The following TNS1 variants were observed in gnomAD, a reference collection of about 807,000 sequenced individuals.
TNS1 encodes the protein tensin 1, also known as tensin-1.
In TNS1, 62 loss-of-function variants were observed where a neutral mutation model predicts 168.6. The observed-to-expected ratio is 0.37, with a 90% CI of 0.30 to 0.45. The LOEUF is 0.45. TNS1 is among the 20% of genes least tolerant of loss of function. The probability of loss-of-function intolerance (pLI) is 1.00; values close to 1 mark genes in which losing one functional copy is unlikely to be tolerated. For synonymous variants in TNS1, 934 were observed against 933.2 expected (o/e 1.00, Z -0.02); for missense variants, 2,240 against 2,339.4 (o/e 0.96, Z 0.88).
intron 3 of TNS1, among the ~76,000 whole-genome samples, chr2:217,930,787 A>T (rs1340732809): frequency 6.6e-6 from 1 of 152,216 alleles, no homozygotes; most frequent in Non-Finnish European, 1.5e-5. Flanking sequence ...TGAACAGGCA[A>T]TATGGAATGC....
intron 30 of TNS1, among the ~76,000 whole-genome samples, chr2:217,809,364 G>C (rs373733847): frequency 6.1e-4 from 34 of 55,736 alleles, no homozygotes; most frequent in South Asian, 1.1e-3. Context: ...TGGATGGATG[G>C]ATGGATGGAT....
chr2:217,887,637 G>A (rs1951336183), intron 12 of TNS1, among the ~76,000 whole-genome samples: 1 of 152,166 alleles, frequency 6.6e-6, no homozygotes, highest in East Asian at 1.9e-4. Context: ...ACAAAGATCT[G>A]TTGGAAGAAT....
chr2:217,850,871 T>G (rs574524676), intron 18 of TNS1, among the ~76,000 whole-genome samples: 12 of 152,136 alleles, frequency 7.9e-5, no homozygotes, highest in African/African-American at 2.9e-4. Flanking sequence ...CCAACAACAG[T>G]GACCACCGTG....
At chr2:217,887,696 G>A (rs1951340804) in intron 12 of TNS1, among the ~76,000 whole-genome samples, 1 of 152,182 alleles carries the variant, frequency 6.6e-6, no homozygotes, top group East Asian at 1.9e-4. Flanking sequence ...GGATAAATAA[G>A]GTCCAGGAGG....
rs145059563 is a variant in TNS1 at position 217,821,772 on chromosome 2, G to T, written c.3540C>A (p.Leu1180=). The T allele has an allele frequency of 9.3e-6, 14 of 1,508,456 alleles. No homozygotes were observed. In the South Asian group the frequency reaches 1.8e-4, roughly 19 times the overall value. 93.4% of individuals were successfully genotyped at this position (1,508,456 alleles called of 1,614,324 possible). A position where few individuals can be genotyped will look rare whatever the true frequency, so the allele number is the denominator to read the frequency against. Residue 1180 remains leucine (L), a synonymous_variant, in exon 23 of 33, where the codon CTC becomes CTA. Transcript: ENST00000682258. ...CACTGAGGATGGGGCTGCTGGTGGAGAGGGGGCTGGGGGAGACAAAGGAGC... is the reference window on the plus strand; with the variant it reads ...CACTGAGGATGGGGCTGCTGGTGGATAGGGGGCTGGGGGAGACAAAGGAGC... ...LGGSFVSPSP[L]STSSPILSAD... is the part of the protein sequence containing the mutation.
intron 8 of TNS1, among the ~76,000 whole-genome samples, chr2:217,897,100 G>C (rs192063389): frequency 6.6e-6 from 1 of 152,266 alleles, no homozygotes; most frequent in Non-Finnish European, 1.5e-5. Flanking sequence ...AAACACCCTG[G>C]GGACAGCCAC....
chr2:218,030,428 T>C (rs1958882313), intron 1 of TNS1, among the ~76,000 whole-genome samples: 1 of 152,228 alleles, frequency 6.6e-6, no homozygotes, highest in Non-Finnish European at 1.5e-5. Context: ...AATGACTTGT[T>C]TGCAGTCTGT....
intron 21 of TNS1, among the ~76,000 whole-genome samples, chr2:217,834,650 C>T (rs535050720): frequency 2.6e-5 from 4 of 152,240 alleles, no homozygotes; most frequent in Admixed American, 2.0e-4. Context: ...GGGTCCCTCT[C>T]TCCTTGGTAG....
At chr2:217,898,660 C>G (rs1952584964) in intron 7 of TNS1, among the ~76,000 whole-genome samples, 2 of 152,228 alleles carry the variant, frequency 1.3e-5, no homozygotes, top group African/African-American at 4.8e-5. Context: ...TGGCAGCAGC[C>G]TCCCTGATTT....
intron 18 of TNS1, among the ~76,000 whole-genome samples, chr2:217,875,433 T>C (rs1414768084): frequency 6.6e-6 from 1 of 152,102 alleles, no homozygotes; most frequent in East Asian, 1.9e-4. Flanking sequence ...ATGCTTGAGC[T>C]CAAAGAAATG....
At chr2:217,967,046 G>A (rs1392789269) in intron 3 of TNS1, among the ~76,000 whole-genome samples, 2 of 152,244 alleles carry the variant, frequency 1.3e-5, no homozygotes, top group East Asian at 1.9e-4. Flanking sequence ...TAGGCCGGGT[G>A]CGGTGGCTCA....
At chr2:217,843,187 A>T (rs182026152) in intron 19 of TNS1, among the ~76,000 whole-genome samples, 2 of 151,934 alleles carry the variant, frequency 1.3e-5, no homozygotes, top group East Asian at 3.9e-4. Context: ...CTTGACATCA[A>T]TATTTCCCTC....
chr2:217,831,942 AACACACAC>A (rs66652637), intron 21 of TNS1, among the ~76,000 whole-genome samples: 1 of 146,186 alleles, frequency 6.8e-6, no homozygotes, highest in Non-Finnish European at 1.5e-5. Flanking sequence ...ACCCTCACCC[AACACACAC>A]ACACACACAC....
chr2:217,813,686 T>C lies in TNS1; in HGVS notation c.4860A>G (p.Lys1620=). 1.9e-6 allele frequency: 3 copies of C among 1,606,634 alleles called. No homozygotes were observed. Among genetic ancestry groups the C allele is most frequent in the Non-Finnish European group, 2.6e-6 (3 of 1,176,214 alleles). The change falls in exon 26 of 33, where the codon AAA becomes AAG. Residue 1620 remains lysine, a splice_region_variant and synonymous_variant. Transcript: ENST00000682258. This position sits in a 1 kb window ranked among gnomAD's most constrained non-coding sequence, Gnocchi z 4.0. ...PPPTIMQQNK[K]GDMTHELVRH... ...CCCCATTCTGGGAGATGAGGTTACC[T>C]TTTTTATTCTGCTGCATGATGGTTG...
chr2:217,977,973 C>A (rs140748873), intron 3 of TNS1, among the ~76,000 whole-genome samples: 11 of 152,310 alleles, frequency 7.2e-5, no homozygotes, highest in Non-Finnish European at 1.5e-4. Context: ...CAGAGCTGAG[C>A]CCATTGGACA....
At position 217,804,359 on chromosome 2, in the gene TNS1, CCCAAAGTCCT is replaced by C; in HGVS notation, c.*90_*99del. On this transcript the variant is annotated 3_prime_UTR_variant, in exon 33 of 33. Coordinates refer to ENST00000682258, the MANE Select transcript of TNS1 (RefSeq NM_001387777.1). ...ACTTTCTTCTCTCCTCCGAAATTGG[CCCAAAGTCCT>C]CCTTCTGGGTTCAAGAGTGGTCAGG... The C allele has an allele frequency of 6.6e-7, 1 of 1,509,206 alleles. No homozygotes were observed. The highest frequency in any genetic ancestry group is 2.3e-5 in the East Asian group (1 of 43,552). The allele number at this position is 1,509,206 out of a possible 1,614,324, so 93.5% of individuals were successfully genotyped here.
chr2:217,864,223 T>A (rs1353213953), intron 18 of TNS1, among the ~76,000 whole-genome samples: 2 of 152,144 alleles, frequency 1.3e-5, no homozygotes, highest in African/African-American at 2.4e-5. Flanking sequence ...TCCCAGGACG[T>A]GGACACCATG....
intron 3 of TNS1, chr2:217,936,951 C>T (rs1956639879): frequency 2.2e-6 from 1 of 456,648 alleles, no homozygotes; most frequent in Non-Finnish European, 4.4e-6. Flanking sequence ...GGGAGGGAGA[C>T]CCACGCTTGT....
intron 3 of TNS1, among the ~76,000 whole-genome samples, chr2:217,966,062 G>C (rs542665173): frequency 2.2e-4 from 33 of 152,074 alleles, no homozygotes; most frequent in African/African-American, 7.7e-4. Flanking sequence ...TCTCTGCTCT[G>C]GGCTCCTACC....
Sources: gnomAD v4.1 joint callset for allele counts (sites outside exome capture counted in the v4.1 genomes callset) on GRCh38, gnomAD v4.1.1 for gene constraint, Gnocchi (gnomAD v3.1) non-coding constraint, MANE v1.5 for transcripts, NCBI Gene and HGNC (gene_info 2026-07-23, HGNC 2026-07-21) for gene names.